The following ROBO2 variants were observed in gnomAD, a reference collection of about 807,000 sequenced individuals.
The protein encoded by ROBO2 is roundabout homolog 2.
ROBO2 carries 53 observed loss-of-function variants against 160.8 expected under a neutral mutation model. That is an observed-to-expected ratio of 0.33 (90% CI 0.26 to 0.41). The LOEUF is 0.41. Among genes scored for constraint, ROBO2 ranks in the 10% least tolerant of loss-of-function variants. ROBO2 has a pLI of 1.00. For missense variants in ROBO2, 1,577 were observed against 1,722.4 expected, an observed-to-expected ratio of 0.92 and a Z score of 1.49; for synonymous variants, 664 against 611.7, an observed-to-expected ratio of 1.09 and a Z score of -1.26.
At chr3:76,902,442 A>G (rs1311172190) in intron 2 of ROBO2, among the ~76,000 whole-genome samples, 1 of 152,048 alleles carries the variant, frequency 6.6e-6, no homozygotes, top group Non-Finnish European at 1.5e-5. Flanking sequence ...TTTAATGCAA[A>G]TTTTAAGATA....
At chr3:77,269,907 C>T (rs1248973584) in intron 2 of ROBO2, among the ~76,000 whole-genome samples, 1 of 152,054 alleles carries the variant, frequency 6.6e-6, no homozygotes, top group African/African-American at 2.4e-5. Context: ...ATAAACTAAA[C>T]TGCATAGCAA....
intron 24 of ROBO2, among the ~76,000 whole-genome samples, chr3:77,637,067 A>T (rs2095275730): frequency 6.6e-6 from 1 of 152,222 alleles, no homozygotes; most frequent in Non-Finnish European, 1.5e-5. Context: ...CACCAAAAGG[A>T]TAAACTTTTA....
At chr3:76,312,794 G>C (rs1444818751) in intron 2 of ROBO2, among the ~76,000 whole-genome samples, 1 of 152,152 alleles carries the variant, frequency 6.6e-6, no homozygotes, top group East Asian at 1.9e-4. Flanking sequence ...TTAAACTTAA[G>C]CAGTAAACTT....
At chr3:77,297,992 A>G (rs2062303537) in intron 2 of ROBO2, among the ~76,000 whole-genome samples, 4 of 152,126 alleles carry the variant, frequency 2.6e-5, no homozygotes, top group Admixed American at 2.6e-4. Context: ...GAATGAGTCC[A>G]TCAGTGGATG....
chr3:77,529,181 T>C (rs1252315330), intron 6 of ROBO2, among the ~76,000 whole-genome samples: 1 of 150,918 alleles, frequency 6.6e-6, no homozygotes, highest in Non-Finnish European at 1.5e-5. Context: ...TATACAACAA[T>C]GATATAGATT....
chr3:77,338,995 A>G (rs1050754986), intron 2 of ROBO2, among the ~76,000 whole-genome samples: 1 of 152,138 alleles, frequency 6.6e-6, no homozygotes, highest in South Asian at 2.1e-4. Context: ...TTAATTTTCC[A>G]TATTAGAGGA....
chr3:75,928,901 T>TTCATTGAATAA (rs1559759117), intron 1 of ROBO2, among the ~76,000 whole-genome samples: 2 of 108,590 alleles, frequency 1.8e-5, no homozygotes, highest in African/African-American at 8.4e-5. Context: ...TGTGTGTGTG[T>TTCATTGAATAA]GATAGCTGAT....
chr3:76,888,314 G>C (rs2074068636), intron 2 of ROBO2, among the ~76,000 whole-genome samples: 1 of 152,156 alleles, frequency 6.6e-6, no homozygotes, highest in Non-Finnish European at 1.5e-5. Context: ...GCTGCTGTGA[G>C]CCGAAATCAC....
chr3:77,568,448 G>A lies in ROBO2; in HGVS notation c.1971+14G>A, dbSNP rs1207611051. 1 of 1,612,468 alleles carries A rather than the reference G, an allele frequency of 6.2e-7. No individual in the cohort carries two copies. The highest frequency in any genetic ancestry group is 2.2e-5 in the East Asian group (1 of 44,806). ...GTCACATGGACGGTAAGCTTTCAAA[G>A]GCAATGTTAATAGTAATCTCTTCTC... On this transcript the variant is annotated intron_variant, in intron 13 of 25. Coordinates refer to ENST00000461745, the Ensembl canonical transcript of ROBO2.
intron 2 of ROBO2, among the ~76,000 whole-genome samples, chr3:76,864,711 G>A (rs551742045): frequency 4.0e-5 from 6 of 151,896 alleles, no homozygotes; most frequent in Admixed American, 1.3e-4. Context: ...TTTGACATCC[G>A]CAGGCACAAA....
intron 2 of ROBO2, among the ~76,000 whole-genome samples, chr3:76,246,187 T>C (rs149094495): frequency 6.6e-6 from 1 of 152,114 alleles, no homozygotes; most frequent in East Asian, 1.9e-4. Flanking sequence ...TTGACTCCTA[T>C]TTCCTGCATA....
intron 2 of ROBO2, among the ~76,000 whole-genome samples, chr3:76,460,670 A>G (rs770138642): frequency 2.6e-5 from 4 of 152,214 alleles, no homozygotes; most frequent in Admixed American, 6.5e-5. Context: ...CTCTAGTCCA[A>G]TTAAGCCTGC....
intron 2 of ROBO2, among the ~76,000 whole-genome samples, chr3:76,788,613 A>G (rs1365358941): frequency 6.6e-6 from 1 of 151,582 alleles, no homozygotes. Context: ...GATTGACAGG[A>G]AAGTTATTAC....
At chr3:76,776,518 A>G (rs1409719836) in intron 2 of ROBO2, among the ~76,000 whole-genome samples, 1 of 150,874 alleles carries the variant, frequency 6.6e-6, no homozygotes, top group African/African-American at 2.4e-5. Flanking sequence ...TACTTACTAG[A>G]AAGAGTTCTG....
intron 2 of ROBO2, among the ~76,000 whole-genome samples, chr3:76,348,335 G>A (rs1025318131): frequency 6.6e-6 from 1 of 152,128 alleles, no homozygotes; most frequent in African/African-American, 2.4e-5. Flanking sequence ...AAGTGGAGGT[G>A]GGGCAAATAC....
chr3:76,539,616 A>C (rs930934847), intron 2 of ROBO2, among the ~76,000 whole-genome samples: 4 of 152,200 alleles, frequency 2.6e-5, no homozygotes, highest in Non-Finnish European at 4.4e-5. Flanking sequence ...GTGAAATTAA[A>C]GGCATTCTAC....
intron 2 of ROBO2, among the ~76,000 whole-genome samples, chr3:76,324,962 C>T (rs1174321806): frequency 6.6e-6 from 1 of 152,068 alleles, no homozygotes; most frequent in Non-Finnish European, 1.5e-5. Context: ...AAAAATTAGC[C>T]GGGCGTGGTG....
chr3:76,628,944 G>C (rs9812362), intron 2 of ROBO2, among the ~76,000 whole-genome samples: 96,302 of 152,054 alleles, frequency 0.63, 30,795 homozygotes, highest in East Asian at 0.74. Flanking sequence ...GAAGTTGTAC[G>C]TTGGTACTCA....
At chr3:77,648,860 G>A (rs2095430185) in exon 26 of ROBO2, 1 of 152,092 alleles carries the variant, frequency 6.6e-6, no homozygotes, top group Non-Finnish European at 1.5e-5. Flanking sequence ...TTAAATGGAG[G>A]CCTGCATAAG....
Sources: gnomAD v4.1 joint callset for allele counts (sites outside exome capture counted in the v4.1 genomes callset) on GRCh38, gnomAD v4.1.1 for gene constraint, MANE v1.5 for transcripts, NCBI Gene and HGNC (gene_info 2026-07-23, HGNC 2026-07-21) for gene names.